RBM14: variants seen among roughly 807,000 people sequenced by gnomAD.
RBM14 encodes the protein RNA binding motif protein 14.
RBM14 carries 5 observed loss-of-function variants against 52.8 expected under a neutral mutation model. The ratio of observed to expected loss-of-function variants is 0.09; its 90% CI spans 0.05 to 0.20. RBM14 has a LOEUF of 0.20. Ranked by LOEUF, RBM14 falls within the 10% of genes least tolerant of loss-of-function variation. RBM14 has a pLI of 1.00. For synonymous variants in RBM14, 411 were observed against 401.8 expected, an observed-to-expected ratio of 1.02 and a Z score of -0.28; for missense variants, 780 against 926.6, an observed-to-expected ratio of 0.84 and a Z score of 2.05.
intron 1 of RBM14, chr11:66,621,081 C>G (rs1184735112): frequency 1.3e-5 from 2 of 152,108 alleles, no homozygotes; most frequent in Non-Finnish European, 2.9e-5. Context: ...TTGTGGCTCA[C>G]TGTAGTCTTG....
chr11:66,626,417 C>A, intron 2 of RBM14, 44 bp from the exon 3 acceptor site: 1 of 1,560,812 alleles, frequency 6.4e-7, no homozygotes, highest in Non-Finnish European at 8.8e-7. Flanking sequence ...TGGAGTCCTC[C>A]CCTCAATTGT....
intron 1 of RBM14, among the ~76,000 whole-genome samples, chr11:66,622,653 A>AT (rs1337066395): frequency 6.6e-6 from 1 of 151,972 alleles, no homozygotes; most frequent in Admixed American, 6.6e-5. Flanking sequence ...TATTGATTGC[A>AT]TTTTTTCCCC....
intron 1 of RBM14, among the ~76,000 whole-genome samples, chr11:66,622,521 G>A (rs1293372307): frequency 6.6e-6 from 1 of 152,204 alleles, no homozygotes; most frequent in African/African-American, 2.4e-5. Flanking sequence ...CCCTGTACCT[G>A]CCTAAATGGT....
At position 66,628,321 on chromosome 11, in the gene RBM14, GC is replaced by G. The variant is rs904498457; in HGVS notation, c.*1655del. 5.3e-5 allele frequency among the ~76,000 whole-genome samples: 8 copies of G among 152,180 alleles called. No homozygotes were observed. The highest frequency in any genetic ancestry group is 1.2e-4 in the Non-Finnish European group (8 of 68,034). The stretch of plus-strand genomic sequence containing the variant: ...GGTGCTTTAAAGACTCGATTTGGGA[GC>G]CTACTGGGGCAAGGCGACTGGGGAG... On this transcript the variant is annotated 3_prime_UTR_variant, in exon 3 of 3. Coordinates refer to ENST00000310137, the MANE Select transcript of RBM14 (RefSeq NM_006328.4).
rs1858845904 is a variant in RBM14, at chr11:66,616,639, G to A, written c.-82G>A. ...TTCTCGGTCGCCAGCCATTCCTGAG[G>A]AGGACTGCCGGTCGTTCGGACGTCT... On this transcript the variant is annotated 5_prime_UTR_variant, in exon 1 of 3. Transcript: ENST00000310137. The A allele has an allele frequency of 2.0e-6, 3 of 1,473,092 alleles. No individual in the cohort carries two copies. Among genetic ancestry groups the A allele is most frequent in the African/African-American group, 1.4e-5 (1 of 70,490 alleles). 91.3% of individuals were successfully genotyped at this position (1,473,092 alleles called of 1,614,324 possible).
chr11:66,625,564 A>C lies in RBM14; in HGVS notation c.1688A>C (p.Gln563Pro), dbSNP rs1937762566. ...TCTGCAGCCTACCTGTCCATGTCCC[A>C]GGGGGCCGTTGCCAACGCCAACAGC... The part of the protein sequence containing the change: ...QPSAAYLSMS[Q>P]GAVANANSTP... The change falls in exon 2 of 3, where the codon CAG becomes CCG. Residue 563 changes from glutamine (Q) to proline (P), a missense_variant. Physicochemically the swap from Gln to Pro is moderately conservative, Grantham distance 76. Transcript: ENST00000310137. This position sits in a 1 kb window ranked among gnomAD's most constrained non-coding sequence, Gnocchi z 4.2. The C allele has an allele frequency of 6.2e-7, 1 of 1,611,364 alleles. No homozygotes were observed. The highest frequency in any genetic ancestry group is 1.3e-5 in the African/African-American group (1 of 74,836).
In RBM14 at chr11:66,625,763, C is replaced by A; in HGVS notation, c.1802+85C>A. The stretch of plus-strand genomic sequence containing the variant: ...GGCATGGGAGGGAAACTGGAGGCAT[C>A]GGCCCCTCCCTCGGTCTTCTCTTCT... On this transcript the variant is annotated intron_variant, in intron 2 of 2. Transcript: ENST00000310137. This position sits in a 1 kb window ranked among gnomAD's most constrained non-coding sequence, Gnocchi z 4.2. The A allele has an allele frequency of 9.5e-7, 1 of 1,052,956 alleles. No individual in the cohort carries two copies. Among genetic ancestry groups the A allele is most frequent in the Non-Finnish European group, 1.4e-6 (1 of 733,264 alleles). The allele number at this position is 1,052,956 out of a possible 1,614,324, so 65.2% of individuals were successfully genotyped here. A position where few individuals can be genotyped will look rare whatever the true frequency, so the allele number is the denominator to read the frequency against.
intron 1 of RBM14, chr11:66,617,597 G>A: frequency 1.0e-6 from 1 of 983,966 alleles, no homozygotes; most frequent in South Asian, 4.6e-5. Context: ...TTTTAGTCTT[G>A]TCTGGCATGG....
chr11:66,626,423 A>T (rs1400965315), intron 2 of RBM14, 38 bp from the exon 3 acceptor site: 1 of 1,576,610 alleles, frequency 6.3e-7, no homozygotes, highest in Non-Finnish European at 8.7e-7. Flanking sequence ...CCTCCCCTCA[A>T]TTGTCTCATT....
At chr11:66,623,957 C>T in intron 1 of RBM14, 1 of 728,058 alleles carries the variant, frequency 1.4e-6, no homozygotes, top group Non-Finnish European at 2.5e-6. Context: ...TCTTCTCTCA[C>T]CAGGAAGTTG....
In RBM14 at chr11:66,625,673, G is replaced by A. The variant is rs368354797; in HGVS notation, c.1797G>A (p.Ser599=). The stretch of plus-strand genomic sequence containing the variant: ...CCTACAAAAAGGCTGTCGCCATGTC[G>A]AAAAGGTACTGTATGCCCCCCCGCC... ...DDPYKKAVAM[S]KRYGSDRRLA... Residue 599 remains serine, a synonymous_variant, in exon 2 of 3, where the codon TCG becomes TCA. Coordinates refer to ENST00000310137, the MANE Select transcript of RBM14 (RefSeq NM_006328.4). The surrounding 1 kb of genome is among the most constrained non-coding windows in gnomAD (Gnocchi z 4.2). 5.0e-6 allele frequency: 8 copies of A among 1,606,312 alleles called. No individual in the cohort carries two copies. Among genetic ancestry groups the A allele is most frequent in the Middle Eastern group, 1.6e-4 (1 of 6,064 alleles).
At position 66,625,391 on chromosome 11, in the gene RBM14, G is replaced by C; in HGVS notation, c.1515G>C (p.Gly505=). The change falls in exon 2 of 3, where the codon GGG becomes GGC. Residue 505 remains glycine (G), a synonymous_variant. Coordinates refer to ENST00000310137, the MANE Select transcript of RBM14 (RefSeq NM_006328.4). The surrounding 1 kb of genome is among the most constrained non-coding windows in gnomAD (Gnocchi z 4.2). ...CCTATGGTGCCGCAGCAGCCTACGG[G>C]GCCCAACCTTCTGCCACCCTGGCAG... ...TGSYGAAAAY[G]AQPSATLAAP... 1 of 1,613,456 alleles carries C rather than the reference G, an allele frequency of 6.2e-7. No homozygotes were observed. The highest frequency in any genetic ancestry group is 1.3e-5 in the African/African-American group (1 of 75,030).
At position 66,624,009 on chromosome 11, in the gene RBM14, G is replaced by A; in HGVS notation, c.338-205G>A. Reference sequence around the variant, plus strand: ...TTGTAAAGGGGAGAATGGGAAGAAGGCTGTAGGCAAAGATGACTGCTTGGG... The same window carrying A: ...TTGTAAAGGGGAGAATGGGAAGAAGACTGTAGGCAAAGATGACTGCTTGGG... On this transcript the variant is annotated intron_variant, in intron 1 of 2. Coordinates refer to ENST00000310137, the MANE Select transcript of RBM14 (RefSeq NM_006328.4). This position sits in a 1 kb window ranked among gnomAD's most constrained non-coding sequence, Gnocchi z 4.7. 1 of 869,546 alleles carries A rather than the reference G, an allele frequency of 1.2e-6. No homozygotes were observed. Among genetic ancestry groups the A allele is most frequent in the Non-Finnish European group, 1.9e-6 (1 of 524,540 alleles). The allele number at this position is 869,546 out of a possible 1,614,324, so 53.9% of individuals were successfully genotyped here. A position where few individuals can be genotyped will look rare whatever the true frequency, so the allele number is the denominator to read the frequency against.
chr11:66,621,244 A>G (rs1173156346), intron 1 of RBM14, among the ~76,000 whole-genome samples: 1 of 151,750 alleles, frequency 6.6e-6, no homozygotes, highest in Non-Finnish European at 1.5e-5. Flanking sequence ...TACTCTATTC[A>G]AAGTGGAGAT....
chr11:66,620,209 C>T (rs562650657), intron 1 of RBM14, among the ~76,000 whole-genome samples: 2 of 152,242 alleles, frequency 1.3e-5, no homozygotes, highest in African/African-American at 4.8e-5. Context: ...CACACTTTTC[C>T]CCTCCAGTGT....
rs1229393452 is a variant in RBM14, at chr11:66,628,909, C to T, written c.*2241C>T. Among the ~76,000 whole-genome samples, 1 of 152,286 alleles carries T rather than the reference C, an allele frequency of 6.6e-6. No homozygotes were observed. The highest frequency in any genetic ancestry group is 1.5e-5 in the Non-Finnish European group (1 of 68,032). ...TGCTCTCAGGGCCAGTGGTGATGTT[C>T]TGTGTTGCAGCCCCAGCTCTTGAAA... On this transcript the variant is annotated 3_prime_UTR_variant, in exon 3 of 3. Transcript: ENST00000310137.
chr11:66,617,126 C>A lies in RBM14; in HGVS notation c.337+69C>A, dbSNP rs1312218315. 2.0e-6 allele frequency: 3 copies of A among 1,516,150 alleles called. No individual in the cohort carries two copies. The East Asian group carries it at 6.8e-5, about 34-fold the overall frequency. 93.9% of individuals were successfully genotyped at this position (1,516,150 alleles called of 1,614,324 possible). ...CTCTGCCTGTTAGCCACGCCCCTTA[C>A]CCGGGGGTCGGTCACTGCGCGGTTG... On this transcript the variant is annotated intron_variant, in intron 1 of 2. Coordinates refer to ENST00000310137, the MANE Select transcript of RBM14 (RefSeq NM_006328.4).
In RBM14 at chr11:66,628,368, G is replaced by A. The variant is rs1177300495; in HGVS notation, c.*1700G>A. ...GGGAGGTGTACGTGTTAGTCAAGTG[G>A]AGGTCAGGTGGGTTATCTTCTGCCT... is the stretch of plus-strand genomic sequence containing the variant. On this transcript the variant is annotated 3_prime_UTR_variant, in exon 3 of 3. Coordinates refer to ENST00000310137, the MANE Select transcript of RBM14 (RefSeq NM_006328.4). 6.6e-6 allele frequency among the ~76,000 whole-genome samples: 1 copy of A among 152,194 alleles called. No individual in the cohort carries two copies. Among genetic ancestry groups the A allele is most frequent in the Non-Finnish European group, 1.5e-5 (1 of 68,040 alleles).
chr11:66,617,515 T>G (rs1278506454), intron 1 of RBM14: 1 of 995,440 alleles, frequency 1.0e-6, no homozygotes, highest in Admixed American at 5.7e-5. Flanking sequence ...AAGGCCGCCC[T>G]CCTGTTCCCT....
Sources: allele counts gnomAD v4.1 joint callset (sites outside exome capture counted in the v4.1 genomes callset), GRCh38; gene constraint gnomAD v4.1.1; non-coding constraint Gnocchi (gnomAD v3.1); transcripts MANE v1.5; gene names NCBI Gene and HGNC (gene_info 2026-07-23, HGNC 2026-07-21).